The following ITGA9 variants were observed in gnomAD, a reference collection of about 807,000 sequenced individuals.
ITGA9 encodes the protein integrin alpha-9.
Under a neutral mutation model 127.8 loss-of-function variants are expected in ITGA9, and 56 were observed. The ratio of observed to expected loss-of-function variants is 0.44; its 90% CI spans 0.35 to 0.55. ITGA9 has a LOEUF of 0.55. Among genes scored for constraint, ITGA9 ranks in the 20% least tolerant of loss-of-function variants. The probability of loss-of-function intolerance (pLI) is 0.00; values close to 1 mark genes in which losing one functional copy is unlikely to be tolerated. For synonymous variants in ITGA9, 508 were observed against 514.5 expected, an observed-to-expected ratio of 0.99 and a Z score of 0.17; for missense variants, 1,196 against 1,347.1, an observed-to-expected ratio of 0.89 and a Z score of 1.76.
At chr3:37,639,846 A>G (rs1700315335) in intron 16 of ITGA9, among the ~76,000 whole-genome samples, 1 of 152,072 alleles carries the variant, frequency 6.6e-6, no homozygotes, top group Admixed American at 6.5e-5. Context: ...AAATGAAACA[A>G]TCATGGGAAG....
intron 17 of ITGA9, among the ~76,000 whole-genome samples, chr3:37,661,023 G>A (rs1700528331): frequency 6.6e-6 from 1 of 152,226 alleles, no homozygotes; most frequent in Admixed American, 6.5e-5. Flanking sequence ...GCCACAGCAA[G>A]TCACATGGCC....
chr3:37,727,064 C>T (rs1226131895), intron 18 of ITGA9, among the ~76,000 whole-genome samples: 1 of 152,194 alleles, frequency 6.6e-6, no homozygotes, highest in African/African-American at 2.4e-5. Context: ...TACAGTTGGG[C>T]AGAATCATCT....
intron 16 of ITGA9, among the ~76,000 whole-genome samples, chr3:37,650,748 C>T (rs1302404108): frequency 1.3e-5 from 2 of 152,088 alleles, no homozygotes; most frequent in Non-Finnish European, 2.9e-5. Context: ...CCACACCCAG[C>T]CCCACCATCC....
intron 19 of ITGA9, chr3:37,733,133 T>G: frequency 2.7e-6 from 1 of 365,346 alleles, no homozygotes; most frequent in Non-Finnish European, 5.3e-6. Context: ...TGTGCCTCTT[T>G]GAGTCCCCTA....
chr3:37,543,028 A>T (rs1257343108), intron 15 of ITGA9, among the ~76,000 whole-genome samples: 2 of 151,912 alleles, frequency 1.3e-5, no homozygotes, highest in African/African-American at 4.8e-5. Flanking sequence ...AACTGGTTGG[A>T]CTAGATTCTT....
chr3:37,812,781 G>A (rs776684335), intron 27 of ITGA9, among the ~76,000 whole-genome samples: 13 of 152,222 alleles, frequency 8.5e-5, no homozygotes, highest in Non-Finnish European at 4.4e-5. Context: ...TAACAGAGCC[G>A]CTTGCCCCTC....
At chr3:37,611,550 TA>T (rs1700016598) in intron 15 of ITGA9, among the ~76,000 whole-genome samples, 1 of 152,164 alleles carries the variant, frequency 6.6e-6, no homozygotes, top group Non-Finnish European at 1.5e-5. Context: ...CCTTTTTTAT[TA>T]CAGGTTTGGG....
At chr3:37,542,909 TG>T (rs1246984195) in intron 15 of ITGA9, among the ~76,000 whole-genome samples, 2 of 152,062 alleles carry the variant, frequency 1.3e-5, no homozygotes, top group Non-Finnish European at 2.9e-5. Context: ...AGGAGAGCCT[TG>T]GAAGCATGTG....
In ITGA9 at chr3:37,629,150, A is replaced by T; in HGVS notation, c.1690-37A>T. 1 of 1,611,280 alleles carries T rather than the reference A, an allele frequency of 6.2e-7. No individual in the cohort carries two copies. The highest frequency in any genetic ancestry group is 8.5e-7 in the Non-Finnish European group (1 of 1,179,170). ...AAATGCTCTACGACTGTCAGCCAGG[A>T]TTAGTAGTTAATGCACGTATTTGTT... On this transcript the variant is annotated intron_variant, in intron 15 of 27. Transcript: ENST00000264741. This position sits in a 1 kb window ranked among gnomAD's most constrained non-coding sequence, Gnocchi z 4.5.
intron 26 of ITGA9, among the ~76,000 whole-genome samples, chr3:37,797,717 CTTTTTAT>C (rs541964450): frequency 1.4e-4 from 22 of 152,226 alleles, no homozygotes; most frequent in Admixed American, 5.9e-4. Flanking sequence ...ATTAGATAAT[CTTTTTAT>C]TTTTTATTTT....
intron 11 of ITGA9, among the ~76,000 whole-genome samples, 173 bp from the exon 12 acceptor site, chr3:37,523,348 G>A (rs1699062622): frequency 6.6e-6 from 1 of 152,070 alleles, no homozygotes; most frequent in South Asian, 2.1e-4. Context: ...AAAGGAGTGT[G>A]TGGCCTTCAA....
intron 18 of ITGA9, among the ~76,000 whole-genome samples, chr3:37,714,353 T>C (rs762307): frequency 0.7 from 107,087 of 152,116 alleles, 39,048 homozygotes; most frequent in African/African-American, 0.9. Flanking sequence ...TTTTCTAGCC[T>C]CATTTATTTT....
chr3:37,568,059 G>C (rs1182868458), intron 15 of ITGA9, among the ~76,000 whole-genome samples: 2 of 152,232 alleles, frequency 1.3e-5, no homozygotes, highest in Non-Finnish European at 2.9e-5. Flanking sequence ...GGTTCTTTAT[G>C]AGGGCCCCCG....
intron 13 of ITGA9, among the ~76,000 whole-genome samples, chr3:37,532,691 A>T (rs267566): frequency 0.55 from 83,846 of 151,920 alleles, 23,806 homozygotes; most frequent in East Asian, 0.81. Flanking sequence ...GAGTATGGCT[A>T]TTTATTGAGT....
At chr3:37,782,669 C>T (rs1696989991) in intron 25 of ITGA9, among the ~76,000 whole-genome samples, 1 of 152,244 alleles carries the variant, frequency 6.6e-6, no homozygotes, top group African/African-American at 2.4e-5. Context: ...GTGGAGCCCA[C>T]ATGGCTCCAG....
chr3:37,616,588 T>C lies in ITGA9; in HGVS notation c.1690-12599T>C, dbSNP rs189254753. ...GGTGTTAAAGTCTCCCATTATATTG[T>C]GTGGGAGTCTGAGTCTCTTTGTAGG... On this transcript the variant is annotated intron_variant, in intron 15 of 27. Transcript: ENST00000264741. Among the ~76,000 whole-genome samples the C allele has an allele frequency of 1.2e-3, 187 of 152,270 alleles. 1 individual carries two copies. Among genetic ancestry groups the C allele is most frequent in the African/African-American group, 4.2e-3 (174 of 41,540 alleles).
At chr3:37,511,696 C>T (rs913446907) in intron 8 of ITGA9, among the ~76,000 whole-genome samples, 2 of 152,310 alleles carry the variant, frequency 1.3e-5, no homozygotes, top group East Asian at 3.9e-4. Flanking sequence ...TTTCCTGCTC[C>T]GTTCTCCTTT....
intron 1 of ITGA9, among the ~76,000 whole-genome samples, chr3:37,465,475 T>G (rs1374233491): frequency 2.0e-5 from 3 of 152,162 alleles, no homozygotes; most frequent in Non-Finnish European, 4.4e-5. Flanking sequence ...CTCTGCCACT[T>G]ACTGGTGGTG....
At chr3:37,592,083 AC>A (rs1699826355) in intron 15 of ITGA9, among the ~76,000 whole-genome samples, 1 of 151,922 alleles carries the variant, frequency 6.6e-6, no homozygotes, top group African/African-American at 2.4e-5. Context: ...ATGGTAGAGA[AC>A]CCTTTCATTC....
Sources: gnomAD v4.1 joint callset for allele counts (sites outside exome capture counted in the v4.1 genomes callset) on GRCh38, gnomAD v4.1.1 for gene constraint, Gnocchi (gnomAD v3.1) non-coding constraint, MANE v1.5 for transcripts, NCBI Gene and HGNC (gene_info 2026-07-23, HGNC 2026-07-21) for gene names.